Variants in SEMA3E observed in about 807,000 individuals in gnomAD.
The protein encoded by SEMA3E is semaphorin 3E, also known as semaphorin-3E.
Under a neutral mutation model 93.6 loss-of-function variants are expected in SEMA3E, and 49 were observed. That is an observed-to-expected ratio of 0.52 (90% CI 0.42 to 0.66). The LOEUF is 0.66. Among genes scored for constraint, SEMA3E ranks in the 30% least tolerant of loss-of-function variants. The pLI, the probability that SEMA3E is intolerant of heterozygous loss-of-function variation, is 0.00. For missense variants in SEMA3E, 906 were observed against 964.8 expected (o/e 0.94, Z 0.81); for synonymous variants, 363 against 330.7 (o/e 1.10, Z -1.06).
chr7:83,531,341 C>CTTTTTTTTT (rs144165250), intron 1 of SEMA3E, among the ~76,000 whole-genome samples: 4 of 68,132 alleles, frequency 5.9e-5, no homozygotes, highest in Non-Finnish European at 1.0e-4. Flanking sequence ...TTGGAATATT[C>CTTTTTTTTT]TTTTTTTTTT....
chr7:83,385,463 A>T, intron 15 of SEMA3E, 30 bp from the exon 16 acceptor site: 1 of 1,610,338 alleles, frequency 6.2e-7, no homozygotes, highest in Non-Finnish European at 8.5e-7. Flanking sequence ...GCCATCTTTG[A>T]GACTTAGATT....
chr7:83,434,547 C>T (rs924264371), intron 4 of SEMA3E, among the ~76,000 whole-genome samples: 8 of 152,092 alleles, frequency 5.3e-5, no homozygotes, highest in African/African-American at 1.9e-4. Context: ...AAACATGCTT[C>T]TTGCTCTAAA....
At chr7:83,527,828 T>C (rs1314921140) in intron 1 of SEMA3E, among the ~76,000 whole-genome samples, 2 of 152,072 alleles carry the variant, frequency 1.3e-5, no homozygotes, top group African/African-American at 4.8e-5. Context: ...ACAACTTATA[T>C]CATTTGTGGC....
chr7:83,476,193 T>TA (rs1421394562), intron 2 of SEMA3E, among the ~76,000 whole-genome samples: 1 of 152,246 alleles, frequency 6.6e-6, no homozygotes, highest in African/African-American at 2.4e-5. Context: ...ATATGCCTTT[T>TA]ATCACATTCT....
At chr7:83,570,552 C>CAA (rs59715914) in intron 1 of SEMA3E, among the ~76,000 whole-genome samples, 9 of 33,042 alleles carry the variant, frequency 2.7e-4, no homozygotes, top group African/African-American at 4.6e-4. Flanking sequence ...GACTCCGTCT[C>CAA]AAAAAAAAAA....
chr7:83,469,854 C>T (rs915295917), intron 2 of SEMA3E, among the ~76,000 whole-genome samples: 3 of 151,936 alleles, frequency 2.0e-5, no homozygotes, highest in Admixed American at 6.6e-5. Context: ...TGGAGTGCAG[C>T]GGTGTGATCT....
chr7:83,426,108 C>T, intron 4 of SEMA3E, among the ~76,000 whole-genome samples: 1 of 152,130 alleles, frequency 6.6e-6, no homozygotes, highest in Middle Eastern at 3.2e-3. Context: ...AAAGGGAACA[C>T]ATACACTGCC....
intron 10 of SEMA3E, among the ~76,000 whole-genome samples, chr7:83,401,272 T>C (rs1562764970): frequency 6.6e-6 from 1 of 152,230 alleles, no homozygotes; most frequent in Non-Finnish European, 1.5e-5. Context: ...CCTCCAGAAC[T>C]ACAACAATTG....
chr7:83,488,931 T>C (rs1251509550), intron 2 of SEMA3E, among the ~76,000 whole-genome samples: 1 of 151,214 alleles, frequency 6.6e-6, no homozygotes, highest in Admixed American at 6.6e-5. Context: ...ATGGAAAAAA[T>C]GGGGTAATGT....
At chr7:83,575,495 A>G (rs1792380955) in intron 1 of SEMA3E, among the ~76,000 whole-genome samples, 1 of 152,192 alleles carries the variant, frequency 6.6e-6, no homozygotes, top group South Asian at 2.1e-4. Flanking sequence ...TATTTATTAA[A>G]GTCATTTTAA....
At position 83,372,145 on chromosome 7, in the gene SEMA3E, C is replaced by T. The variant is rs1584198059; in HGVS notation, c.1876-4107G>A. ...TGTATAGCAATGGGGTATATCCATA[C>T]AGACATATCCAAAAGATATTAAAAA... is the stretch of plus-strand genomic sequence containing the variant. On this transcript the variant is annotated intron_variant, in intron 16 of 16. Transcript: ENST00000643230. The T allele has an allele frequency of 1.5e-5, 6 of 395,698 alleles. No homozygotes were observed. In the East Asian group the frequency reaches 2.2e-4, roughly 14 times the overall value. The allele number at this position is 395,698 out of a possible 1,614,324, so 24.5% of individuals were successfully genotyped here.
intron 4 of SEMA3E, among the ~76,000 whole-genome samples, chr7:83,443,828 T>C (rs1318098253): frequency 6.6e-6 from 1 of 151,940 alleles, no homozygotes; most frequent in Non-Finnish European, 1.5e-5. Flanking sequence ...TTGATTTATA[T>C]TAATGCAACA....
At chr7:83,418,237 G>C (rs1788596082) in intron 5 of SEMA3E, among the ~76,000 whole-genome samples, 153 bp downstream of exon 5, 1 of 152,148 alleles carries the variant, frequency 6.6e-6, no homozygotes, top group South Asian at 2.1e-4. Context: ...GGTTAACATG[G>C]CTTGAAATTT....
At chr7:83,476,923 A>T (rs1488368333) in intron 2 of SEMA3E, among the ~76,000 whole-genome samples, 2 of 152,218 alleles carry the variant, frequency 1.3e-5, no homozygotes, top group Admixed American at 1.3e-4. Context: ...ATATAATTTA[A>T]TCATTCCGCT....
intron 4 of SEMA3E, among the ~76,000 whole-genome samples, chr7:83,446,655 C>T (rs193136784): frequency 3.3e-5 from 5 of 152,298 alleles, no homozygotes; most frequent in African/African-American, 9.6e-5. Context: ...AAACTCTCTA[C>T]GTGACCCTTC....
At chr7:83,406,574 G>A (rs994985185) in intron 7 of SEMA3E, among the ~76,000 whole-genome samples, 9 of 104,700 alleles carry the variant, frequency 8.6e-5, no homozygotes, top group African/African-American at 1.8e-4. Flanking sequence ...ATTTATTTTC[G>A]AACATCTTCT....
chr7:83,398,035 G>A (rs1231144352), intron 11 of SEMA3E, among the ~76,000 whole-genome samples: 1 of 152,120 alleles, frequency 6.6e-6, no homozygotes, highest in Non-Finnish European at 1.5e-5. Context: ...ATTAAAGCCG[G>A]TGTCTAGTAA....
At position 83,633,081 on chromosome 7, in the gene SEMA3E, A is replaced by T. The variant is rs539627936; in HGVS notation, c.115+15347T>A. Among the ~76,000 whole-genome samples the T allele has an allele frequency of 3.3e-5, 5 of 152,188 alleles. No individual in the cohort carries two copies. The South Asian group carries it at 6.2e-4, about 19-fold the overall frequency. ...GTTGTTGTTGTTGAAATAAGACGTA[A>T]AATGCTAAATCCATAGGTTGATTTT... On this transcript the variant is annotated intron_variant, in intron 1 of 16. Transcript: ENST00000643230.
chr7:83,484,652 T>G (rs1790217197), intron 2 of SEMA3E, among the ~76,000 whole-genome samples: 1 of 152,156 alleles, frequency 6.6e-6, no homozygotes, highest in East Asian at 1.9e-4. Flanking sequence ...ACCACCCTAC[T>G]CTCCTCACCA....
Sources: gnomAD v4.1 joint callset for allele counts (sites outside exome capture counted in the v4.1 genomes callset) on GRCh38, gnomAD v4.1.1 for gene constraint, MANE v1.5 for transcripts, NCBI Gene and HGNC (gene_info 2026-07-23, HGNC 2026-07-21) for gene names.